FBRS: variants seen among roughly 807,000 people sequenced by gnomAD.
The protein encoded by FBRS is fibrosin.
A neutral mutation model predicts 86.1 loss-of-function variants in FBRS; 15 were observed. The ratio of observed to expected loss-of-function variants is 0.17; its 90% CI spans 0.12 to 0.27. The LOEUF is 0.27. Among genes scored for constraint, FBRS ranks in the 10% least tolerant of loss-of-function variants. The probability of loss-of-function intolerance (pLI) is 1.00; values close to 1 mark genes in which losing one functional copy is unlikely to be tolerated. For missense variants in FBRS, 1,367 were observed against 1,301.6 expected (o/e 1.05, Z -0.77); for synonymous variants, 666 against 575.8 (o/e 1.16, Z -2.24).
In FBRS at chr16:30,667,601, C is replaced by A; in HGVS notation, c.2053C>A (p.Leu685Met). The change falls in exon 15 of 18, where the codon CTG (leucine) becomes ATG (methionine). Residue 685 changes from leucine (L) to methionine (M), a missense_variant. Leu to Met is a conservative substitution (Grantham distance 15). Coordinates refer to ENST00000356166, the MANE Select transcript of FBRS (RefSeq NM_001105079.3). ...AGCTCCCGGGGCCCACGGACCCTTC[C>A]TGAGCCCCAGCACCCACATTGGTAA... ...TAAPGAHGPF[L>M]SPSTHIDPFG... 1.3e-6 allele frequency: 2 copies of A among 1,537,550 alleles called. No individual in the cohort carries two copies. Among genetic ancestry groups the A allele is most frequent in the South Asian group, 1.2e-5 (1 of 82,464 alleles).
In FBRS at chr16:30,670,361, G is replaced by A. The variant is rs1369117765; in HGVS notation, c.*716G>A. On this transcript the variant is annotated 3_prime_UTR_variant, in exon 18 of 18. Coordinates refer to ENST00000356166, the MANE Select transcript of FBRS (RefSeq NM_001105079.3). Reference sequence around the variant, plus strand: ...AGGGAAGGGCAGAAGCTTCCTACTTGGCTGACAGCCCCGGTTCCCCCAACA... The same window carrying A: ...AGGGAAGGGCAGAAGCTTCCTACTTAGCTGACAGCCCCGGTTCCCCCAACA... 7 of 363,438 alleles carry A rather than the reference G, an allele frequency of 1.9e-5. No homozygotes were observed. Among genetic ancestry groups the A allele is most frequent in the South Asian group, 6.1e-5 (3 of 49,046 alleles). The allele number at this position is 363,438 out of a possible 1,614,324, so 22.5% of individuals were successfully genotyped here.
In FBRS at chr16:30,665,536, C is replaced by T. The variant is rs2052513055; in HGVS notation, c.1705-102C>T. ...CTGCCCTGCTGCACCCAGTTTTCTCCAAAGCCATGATCCCTCCCTGCCCAG... is the reference window on the plus strand; with the variant it reads ...CTGCCCTGCTGCACCCAGTTTTCTCTAAAGCCATGATCCCTCCCTGCCCAG... On this transcript the variant is annotated intron_variant, in intron 10 of 17. Coordinates refer to ENST00000356166, the MANE Select transcript of FBRS (RefSeq NM_001105079.3). The surrounding 1 kb of genome is among the most constrained non-coding windows in gnomAD (Gnocchi z 4.1). 1 of 1,465,316 alleles carries T rather than the reference C, an allele frequency of 6.8e-7. No individual in the cohort carries two copies. Among genetic ancestry groups the T allele is most frequent in the Non-Finnish European group, 9.4e-7 (1 of 1,068,870 alleles). 90.8% of individuals were successfully genotyped at this position (1,465,316 alleles called of 1,614,324 possible).
chr16:30,664,751 A>T lies in FBRS; in HGVS notation c.1394A>T (p.Tyr465Phe), dbSNP rs1362392004. ...DLIGQDLNSR[Y>F]LNAQGGPEVV... is the part of the protein sequence containing the mutation. The stretch of plus-strand genomic sequence containing the variant: ...ATCGGCCAGGACCTGAACTCTCGCT[A>T]CCTGAATGCCCAGGGTGGCCCTGAG... The change falls in exon 8 of 18, where the codon TAC (tyrosine) becomes TTC (phenylalanine). Residue 465 changes from tyrosine (Y) to phenylalanine (F), a missense_variant. This residue lies in a region of FBRS where 702 missense variants were observed against 598.7 expected (regional missense o/e 1.17). Transcript: ENST00000356166. 6.4e-7 allele frequency: 1 copy of T among 1,550,616 alleles called. No homozygotes were observed.
chr16:30,663,942 G>A (rs1371320917), intron 6 of FBRS, among the ~76,000 whole-genome samples: 1 of 152,192 alleles, frequency 6.6e-6, no homozygotes. Flanking sequence ...TCTGTGCTGT[G>A]GTTGAGTCAG....
intron 11 of FBRS, chr16:30,666,032 C>T (rs1009330182): frequency 4.9e-6 from 2 of 410,136 alleles, no homozygotes; most frequent in Non-Finnish European, 8.8e-6. Flanking sequence ...GATAAGCTGC[C>T]CCTTGGTGAA....
At position 30,660,454 on chromosome 16, in the gene FBRS, C is replaced by T. The variant is rs1373828046; in HGVS notation, c.639+12C>T. 4.0e-6 allele frequency: 5 copies of T among 1,257,180 alleles called. No individual in the cohort carries two copies. Among genetic ancestry groups the T allele is most frequent in the East Asian group, 6.3e-5 (2 of 31,776 alleles). 77.9% of individuals were successfully genotyped at this position (1,257,180 alleles called of 1,614,324 possible). On this transcript the variant is annotated intron_variant, in intron 2 of 17. Transcript: ENST00000356166. ...GGAGAAGAAAAGAGGTGAGGTTGTC[C>T]CTTAAAACTCTTTAGGCAGAATGTA...
chr16:30,664,402 C>A lies in FBRS; in HGVS notation c.1243C>A (p.Pro415Thr). 1 of 1,385,614 alleles carries A rather than the reference C, an allele frequency of 7.2e-7. No homozygotes were observed. The highest frequency in any genetic ancestry group is 9.7e-7 in the Non-Finnish European group (1 of 1,028,704). 85.8% of individuals were successfully genotyped at this position (1,385,614 alleles called of 1,614,324 possible). A position where few individuals can be genotyped will look rare whatever the true frequency, so the allele number is the denominator to read the frequency against. Residue 415 changes from proline to threonine, a missense_variant, in exon 7 of 18, where the codon CCC becomes ACC. Transcript: ENST00000356166. ...HSFPPPGLRP[P>T]PPPHHPSLFS... Reference sequence around the variant, plus strand: ...CTTTCCCCCTCCCGGGCTGCGGCCCCCCCCACCACCCCACCACCCCTCCTT... The same window carrying A: ...CTTTCCCCCTCCCGGGCTGCGGCCCACCCCACCACCCCACCACCCCTCCTT...
At chr16:30,666,156 G>A in intron 11 of FBRS, 2 of 449,726 alleles carry the variant, frequency 4.4e-6, no homozygotes, top group Non-Finnish European at 8.0e-6. Context: ...GACTAGGCCA[G>A]AGGTTTTCCA....
chr16:30,666,438 G>T (rs1053630810), intron 11 of FBRS, 74 bp from the exon 12 acceptor site: 2 of 1,585,276 alleles, frequency 1.3e-6, no homozygotes, highest in African/African-American at 2.7e-5. Context: ...GTGAGTGGAT[G>T]CTGTGGAGAT....
In FBRS at chr16:30,670,075, G is replaced by T. The variant is rs1349715971; in HGVS notation, c.*430G>T. 2.1e-6 allele frequency: 1 copy of T among 482,738 alleles called. No individual in the cohort carries two copies. Among genetic ancestry groups the T allele is most frequent in the Admixed American group, 2.3e-5 (1 of 43,176 alleles). 29.9% of individuals were successfully genotyped at this position (482,738 alleles called of 1,614,324 possible). A position where few individuals can be genotyped will look rare whatever the true frequency, so the allele number is the denominator to read the frequency against. On this transcript the variant is annotated 3_prime_UTR_variant, in exon 18 of 18. Transcript: ENST00000356166. ...GGGGGAGGAGGGGCTCAAGGAAGGG[G>T]GGTTCCATGTACATATTTATCACCC...
chr16:30,666,986 T>C lies in FBRS; in HGVS notation c.1871T>C (p.Met624Thr). The change falls in exon 13 of 18, where the codon ATG becomes ACG. Residue 624 changes from methionine to threonine, a missense_variant. This residue lies in a region of FBRS where 659 missense variants were observed against 678.8 expected (regional missense o/e 0.97). Coordinates refer to ENST00000356166, the MANE Select transcript of FBRS (RefSeq NM_001105079.3). Reference sequence around the variant, plus strand: ...ATGATCCTGAGACACCAGGAGAAAATGAAGGTACTGGGGCCGGAGGGCTGG... The same window carrying C: ...ATGATCCTGAGACACCAGGAGAAAACGAAGGTACTGGGGCCGGAGGGCTGG... ...AYMILRHQEK[M>T]KGDSHKLDFR... The C allele has an allele frequency of 6.2e-7, 1 of 1,608,120 alleles. No homozygotes were observed. The highest frequency in any genetic ancestry group is 1.3e-5 in the African/African-American group (1 of 74,748).
chr16:30,668,197 C>T (rs2052544670), intron 15 of FBRS: 1 of 272,380 alleles, frequency 3.7e-6, no homozygotes, highest in Non-Finnish European at 7.0e-6. Context: ...TGTGATGGGT[C>T]CAGGCGGCTG....
At chr16:30,666,599 G>T in intron 12 of FBRS, 58 bp downstream of exon 12, 1 of 1,612,360 alleles carries the variant, frequency 6.2e-7, no homozygotes. Context: ...TAGCATGTTT[G>T]GCTAAGGGGG....
At chr16:30,667,118 G>A (rs1448771032) in intron 13 of FBRS, 128 bp downstream of exon 13, 1 of 1,061,172 alleles carries the variant, frequency 9.4e-7, no homozygotes. Flanking sequence ...CCCCATCACT[G>A]CTGAACAGTT....
intron 11 of FBRS, 103 bp from the exon 12 acceptor site, chr16:30,666,409 T>G: frequency 7.0e-7 from 1 of 1,425,072 alleles, no homozygotes. Flanking sequence ...GGAGTCCCAG[T>G]GTCTCAGGCA....
In FBRS at chr16:30,658,672, G is replaced by A. The variant is rs373200653; in HGVS notation, c.-847G>A. ...CCGTCACCGTTGCCTCACATCCGGG[G>A]CTTTGGAGGGCTGGCCTCGCTGCCC... On this transcript the variant is annotated 5_prime_UTR_variant, in exon 1 of 18. Coordinates refer to ENST00000356166, the MANE Select transcript of FBRS (RefSeq NM_001105079.3). The A allele has an allele frequency of 3.3e-5, 5 of 152,408 alleles. No homozygotes were observed. The highest frequency in any genetic ancestry group is 4.1e-4 in the South Asian group (2 of 4,842). The allele number at this position is 152,408 out of a possible 1,614,324, so 9.4% of individuals were successfully genotyped here.
rs145721720 is a variant in FBRS, at chr16:30,665,233, G to A, written c.1609-73G>A. The A allele has an allele frequency of 9.2e-4, 1,394 of 1,520,940 alleles. 7 individuals carry two copies. Among genetic ancestry groups the A allele is most frequent in the Admixed American group, 1.0e-3 (49 of 48,272 alleles). 94.2% of individuals were successfully genotyped at this position (1,520,940 alleles called of 1,614,324 possible). A position where few individuals can be genotyped will look rare whatever the true frequency, so the allele number is the denominator to read the frequency against. ...CTGGGGGGCTTTAGGGTGGAGGCCC[G>A]TGGACTGACGGGCAGGCTGGACTTG... On this transcript the variant is annotated intron_variant, in intron 9 of 17. Transcript: ENST00000356166. The surrounding 1 kb of genome is among the most constrained non-coding windows in gnomAD (Gnocchi z 4.1).
At chr16:30,662,391 TAA>T in intron 4 of FBRS, 27 bp from the exon 5 acceptor site, 1 of 1,549,976 alleles carries the variant, frequency 6.5e-7, no homozygotes, top group Non-Finnish European at 8.7e-7. Flanking sequence ...ACCCACAACC[TAA>T]CTCTATCCCT....
In FBRS at chr16:30,664,256, C is replaced by T; in HGVS notation, c.1097C>T (p.Ala366Val). The T allele has an allele frequency of 7.1e-7, 1 of 1,412,186 alleles. No homozygotes were observed. The highest frequency in any genetic ancestry group is 9.4e-7 in the Non-Finnish European group (1 of 1,066,550). The allele number at this position is 1,412,186 out of a possible 1,614,324, so 87.5% of individuals were successfully genotyped here. Residue 366 changes from alanine to valine, a missense_variant, in exon 7 of 18, where the codon GCT becomes GTT. Physicochemically the swap from Ala to Val is moderately conservative, Grantham distance 64 (BLOSUM62 0). Around this residue, in one of 3 missense-constraint regions of FBRS, gnomAD observed 702 missense variants for 598.7 expected, o/e 1.17. Transcript: ENST00000356166. ...CCCAAGGCCCCGGCCCCTCCCGTGG[C>T]TCAGCCTCCCCCCTCATCATCCTCT... is the stretch of plus-strand genomic sequence containing the variant. The part of the protein sequence containing the change: ...PPPKAPAPPV[A>V]QPPPSSSSSS...
Sources: gnomAD v4.1 joint callset for allele counts (sites outside exome capture counted in the v4.1 genomes callset) on GRCh38, gnomAD v4.1.1 for gene constraint, gnomAD v4.1.1 regional missense constraint, Gnocchi (gnomAD v3.1) non-coding constraint, MANE v1.5 for transcripts, NCBI Gene and HGNC (gene_info 2026-07-23, HGNC 2026-07-21) for gene names.